EIF3L: variants seen among roughly 807,000 people sequenced by gnomAD.
EIF3L encodes eIEF associated protein HSPC021.
Under a neutral mutation model 74.6 loss-of-function variants are expected in EIF3L, and 32 were observed. The observed-to-expected ratio is 0.43, with a 90% CI of 0.32 to 0.58. The LOEUF (loss-of-function observed/expected upper bound fraction) is 0.58. Among genes scored for constraint, EIF3L ranks in the 20% least tolerant of loss-of-function variants. The pLI, the probability that EIF3L is intolerant of heterozygous loss-of-function variation, is 0.06. For synonymous variants in EIF3L, 256 were observed against 254.4 expected (o/e 1.01, Z -0.06); for missense variants, 474 against 707.8 (o/e 0.67, Z 3.75).
chr22:37,849,766 C>T lies in EIF3L; in HGVS notation c.34-249C>T, dbSNP rs142571909. The T allele has an allele frequency of 2.9e-4, 176 of 605,928 alleles. 1 individual carries two copies. The highest frequency in any genetic ancestry group is 2.8e-3 in the African/African-American group (152 of 54,012). The allele number at this position is 605,928 out of a possible 1,614,324, so 37.5% of individuals were successfully genotyped here. A position where few individuals can be genotyped will look rare whatever the true frequency, so the allele number is the denominator to read the frequency against. On this transcript the variant is annotated intron_variant, in intron 1 of 12. Transcript: ENST00000652021. The stretch of plus-strand genomic sequence containing the variant: ...ACCTGAGTTTTTTTGGTCTAGGCTC[C>T]GTCTGGTCAAATCTCGCTGATTCCC...
intron 9 of EIF3L, among the ~76,000 whole-genome samples, 185 bp from the exon 10 acceptor site, chr22:37,875,656 A>C (rs544561396): frequency 6.6e-6 from 1 of 152,298 alleles, no homozygotes; most frequent in South Asian, 2.1e-4. Context: ...ACAGCTAAAA[A>C]AATGGATTCC....
At chr22:37,867,656 C>CAAA (rs59463385) in intron 7 of EIF3L, among the ~76,000 whole-genome samples, 1 of 103,238 alleles carries the variant, frequency 9.7e-6, no homozygotes, top group Admixed American at 1.0e-4. Context: ...GATTCCGTCT[C>CAAA]AAAAAAAAAA....
chr22:37,875,780 C>T, intron 9 of EIF3L, 61 bp from the exon 10 acceptor site: 1 of 1,521,144 alleles, frequency 6.6e-7, no homozygotes, highest in South Asian at 1.2e-5. Context: ...GGTGTTTCTA[C>T]CTCTGGTTCT....
At chr22:37,871,686 G>T (rs1926477929) in intron 8 of EIF3L, among the ~76,000 whole-genome samples, 1 of 151,904 alleles carries the variant, frequency 6.6e-6, no homozygotes, top group Non-Finnish European at 1.5e-5. Context: ...TGGCCAACAT[G>T]GTGAAACCTC....
intron 7 of EIF3L, 84 bp downstream of exon 7, chr22:37,863,429 AG>A: frequency 8.5e-7 from 1 of 1,174,974 alleles, no homozygotes; most frequent in Non-Finnish European, 1.2e-6. Context: ...AAAAAGCTGC[AG>A]GGTGTAAAAA....
chr22:37,883,337 T>C (rs1235545176), intron 11 of EIF3L: 1 of 148,634 alleles, frequency 6.7e-6, no homozygotes, highest in Non-Finnish European at 1.5e-5. Flanking sequence ...ATCCCAGCAC[T>C]TTGGGAGGCT....
chr22:37,862,697 CT>C (rs1925921727), intron 5 of EIF3L, among the ~76,000 whole-genome samples: 1 of 152,274 alleles, frequency 6.6e-6, no homozygotes, highest in African/African-American at 2.4e-5. Flanking sequence ...TTCTGAAACA[CT>C]TTTCCTTCTC....
At chr22:37,872,018 AT>A (rs1485830676) in intron 8 of EIF3L, among the ~76,000 whole-genome samples, 2 of 152,168 alleles carry the variant, frequency 1.3e-5, no homozygotes, top group African/African-American at 4.8e-5. Context: ...TTTCATACAG[AT>A]TAGGTGCAGT....
chr22:37,864,028 G>A (rs775860378), intron 7 of EIF3L, among the ~76,000 whole-genome samples: 16 of 151,610 alleles, frequency 1.1e-4, no homozygotes, highest in Non-Finnish European at 4.4e-5. Flanking sequence ...TCGTGCCACT[G>A]CACTCCAGCC....
intron 3 of EIF3L, among the ~76,000 whole-genome samples, chr22:37,855,249 G>A (rs563454987): frequency 6.6e-6 from 1 of 152,178 alleles, no homozygotes; most frequent in South Asian, 2.1e-4. Context: ...TTAAAGAATG[G>A]TGGCCAAAAA....
chr22:37,874,308 A>G, intron 8 of EIF3L, 62 bp from the exon 9 acceptor site: 1 of 1,545,468 alleles, frequency 6.5e-7, no homozygotes, highest in Admixed American at 1.8e-5. Flanking sequence ...TAACATTCAG[A>G]GGTCAGGTGT....
In EIF3L at chr22:37,888,940, T is replaced by C. The variant is rs548179459; in HGVS notation, c.*476T>C. On this transcript the variant is annotated 3_prime_UTR_variant, in exon 13 of 13. Transcript: ENST00000652021. The stretch of plus-strand genomic sequence containing the variant: ...TTCTCAGTAGAGATGGGTTTTACCA[T>C]GTTGGCCAGGCTGGTCTCGAACTCC... The C allele has an allele frequency of 2.2e-3, 346 of 154,324 alleles. 2 individuals carry two copies. The highest frequency in any genetic ancestry group is 5.3e-3 in the Admixed American group (81 of 15,352). 9.6% of individuals were successfully genotyped at this position (154,324 alleles called of 1,614,324 possible). A position where few individuals can be genotyped will look rare whatever the true frequency, so the allele number is the denominator to read the frequency against.
chr22:37,869,260 C>T (rs1239842962), intron 7 of EIF3L, among the ~76,000 whole-genome samples: 2 of 152,180 alleles, frequency 1.3e-5, no homozygotes, highest in South Asian at 2.1e-4. Flanking sequence ...TCCTTAGTAG[C>T]GGAGACTGCA....
intron 7 of EIF3L, among the ~76,000 whole-genome samples, chr22:37,863,624 C>T (rs550792448): frequency 6.6e-6 from 1 of 152,290 alleles, no homozygotes; most frequent in South Asian, 2.1e-4. Context: ...ACACAGGCTT[C>T]ACAGGCTTTG....
At chr22:37,854,129 A>G (rs1935429799) in intron 3 of EIF3L, among the ~76,000 whole-genome samples, 2 of 152,194 alleles carry the variant, frequency 1.3e-5, no homozygotes, top group Non-Finnish European at 2.9e-5. Context: ...TTCTTTAGGG[A>G]TGGGTGGGCA....
chr22:37,876,150 A>T lies in EIF3L; in HGVS notation c.1077+139A>T, dbSNP rs1434695602. On this transcript the variant is annotated intron_variant, in intron 10 of 12. Coordinates refer to ENST00000652021, the MANE Select transcript of EIF3L (RefSeq NM_016091.4). ...GTTCAAGACTGTAGAGCGCTCTGTGATTGTGCCTACTAATAGATCACCCAG... is the reference window on the plus strand; with the variant it reads ...GTTCAAGACTGTAGAGCGCTCTGTGTTTGTGCCTACTAATAGATCACCCAG... 10 of 868,786 alleles carry T rather than the reference A, an allele frequency of 1.2e-5. No homozygotes were observed. In the East Asian group the frequency reaches 2.1e-4, roughly 19 times the overall value. 53.8% of individuals were successfully genotyped at this position (868,786 alleles called of 1,614,324 possible).
At chr22:37,882,441 A>G (rs1465093114) in intron 11 of EIF3L, 1 of 152,180 alleles carries the variant, frequency 6.6e-6, no homozygotes, top group African/African-American at 2.4e-5. Flanking sequence ...TGGGAGGCCA[A>G]GGTGGGTAGA....
chr22:37,872,115 T>C (rs1926508694), intron 8 of EIF3L, among the ~76,000 whole-genome samples: 1 of 152,024 alleles, frequency 6.6e-6, no homozygotes, highest in African/African-American at 2.4e-5. Context: ...CTTACATCCA[T>C]GTGTGACTTT....
intron 8 of EIF3L, among the ~76,000 whole-genome samples, chr22:37,872,222 A>AT (rs1183362385): frequency 2.6e-5 from 4 of 151,910 alleles, no homozygotes; most frequent in Non-Finnish European, 5.9e-5. Context: ...GGTTCAAGCG[A>AT]TTCTCCTGTC....
Sources: allele counts gnomAD v4.1 joint callset (sites outside exome capture counted in the v4.1 genomes callset), GRCh38; gene constraint gnomAD v4.1.1; transcripts MANE v1.5; gene names NCBI Gene and HGNC (gene_info 2026-07-23, HGNC 2026-07-21).